CPB2: variants seen among roughly 807,000 people sequenced by gnomAD.
CPB2 encodes carboxypeptidase B2, also known as carboxypeptidase B-like protein.
In CPB2, 54 loss-of-function variants were observed where a neutral mutation model predicts 57.0. The ratio of observed to expected loss-of-function variants is 0.95; its 90% CI spans 0.76 to 1.19. The LOEUF (loss-of-function observed/expected upper bound fraction) is 1.19, where lower values mean the gene tolerates loss of function less well. Ranked by LOEUF, CPB2 falls within the 50% of genes most tolerant of loss-of-function variation. The probability of loss-of-function intolerance (pLI) is 0.00; values close to 1 mark genes in which losing one functional copy is unlikely to be tolerated. For missense variants in CPB2, 426 were observed against 512.0 expected, an observed-to-expected ratio of 0.83 and a Z score of 1.62; for synonymous variants, 189 against 178.1, an observed-to-expected ratio of 1.06 and a Z score of -0.49.
Position 46,082,484 on chromosome 13 carries a change from C to G in CPB2, c.341G>C (p.Arg114Pro). The G allele has an allele frequency of 1.2e-6, 2 of 1,613,630 alleles. No homozygotes were observed. Among genetic ancestry groups the G allele is most frequent in the Non-Finnish European group, 1.7e-6 (2 of 1,179,664 alleles). The change falls in exon 4 of 11, where the codon CGA (arginine) becomes CCA (proline). Residue 114 changes from arginine to proline, a missense_variant. By Grantham distance (103) the Arg-to-Pro change is moderately radical. Coordinates refer to ENST00000181383, the MANE Select transcript of CPB2 (RefSeq NM_001872.5). ...CTGTTCATAGTACGATGCGGAGGCT[C>G]GGGGGCTGACTGTGTCGTTGGAAAT... is the stretch of plus-strand genomic sequence containing the variant. ...QQISNDTVSP[R>P]ASASYYEQYH...
At chr13:46,102,703 A>G (rs775382961) in intron 1 of CPB2, among the ~76,000 whole-genome samples, 5 of 151,550 alleles carry the variant, frequency 3.3e-5, no homozygotes, top group Admixed American at 1.3e-4. Context: ...GGAATAGGCC[A>G]TTCCTGGAAA....
At chr13:46,057,095 A>G (rs1310886763) in intron 9 of CPB2, among the ~76,000 whole-genome samples, 12 of 151,860 alleles carry the variant, frequency 7.9e-5, no homozygotes, top group Non-Finnish European at 1.8e-4. Flanking sequence ...TTAAACATCC[A>G]TTGACAAGGT....
intron 1 of CPB2, among the ~76,000 whole-genome samples, chr13:46,104,121 T>A (rs577074886): frequency 0.018 from 2,765 of 152,336 alleles, 74 homozygotes; most frequent in African/African-American, 0.062. Context: ...TGGTAGAATG[T>A]TCCTTGTCAC....
At chr13:46,084,412 G>C (rs1380891910) in intron 2 of CPB2, 69 bp from the exon 3 acceptor site, 9 of 1,556,660 alleles carry the variant, frequency 5.8e-6, no homozygotes, top group African/African-American at 2.7e-5. Flanking sequence ...TCTGTAGCTA[G>C]AGCCATGACA....
intron 6 of CPB2, among the ~76,000 whole-genome samples, chr13:46,069,365 A>G (rs1490468064): frequency 2.6e-5 from 4 of 152,208 alleles, no homozygotes; most frequent in Non-Finnish European, 5.9e-5. Flanking sequence ...GAAATTCACC[A>G]TTTTAAAGTG....
At position 46,082,436 on chromosome 13, in the gene CPB2, C is replaced by G; in HGVS notation, c.384+5G>C. ...GTAGCTTTGAAGAGCTGTGTGATGGCTTACTTCATTTAGTGAGTGATACTG... is the reference window on the plus strand; with the variant it reads ...GTAGCTTTGAAGAGCTGTGTGATGGGTTACTTCATTTAGTGAGTGATACTG... On this transcript the variant is annotated splice_donor_5th_base_variant and intron_variant, in intron 4 of 10. Transcript: ENST00000181383. The G allele has an allele frequency of 6.4e-7, 1 of 1,557,178 alleles. No homozygotes were observed. Among genetic ancestry groups the G allele is most frequent in the Non-Finnish European group, 8.8e-7 (1 of 1,133,080 alleles).
intron 6 of CPB2, among the ~76,000 whole-genome samples, chr13:46,071,698 G>C (rs987494701): frequency 6.6e-6 from 1 of 152,174 alleles, no homozygotes; most frequent in Admixed American, 6.5e-5. Flanking sequence ...AGGATCATTG[G>C]TAGTATCAGG....
intron 1 of CPB2, among the ~76,000 whole-genome samples, chr13:46,103,161 TTATCC>T (rs1381741976): frequency 1.6e-4 from 25 of 152,252 alleles, no homozygotes; most frequent in Non-Finnish European, 3.1e-4. Context: ...TTGCTATTGA[TTATCC>T]TATCCAAGAG....
chr13:46,065,934 T>C (rs527559091), intron 7 of CPB2, among the ~76,000 whole-genome samples: 1 of 152,338 alleles, frequency 6.6e-6, no homozygotes, highest in South Asian at 2.1e-4. Context: ...TTTACAGATA[T>C]GACCATTCAT....
intron 1 of CPB2, among the ~76,000 whole-genome samples, chr13:46,094,268 T>C (rs2045334955): frequency 2.0e-5 from 3 of 152,174 alleles, no homozygotes; most frequent in Admixed American, 2.0e-4. Context: ...CATTTCTAGC[T>C]CAGATGGTGC....
chr13:46,069,673 T>G (rs7995615), intron 6 of CPB2, among the ~76,000 whole-genome samples: 1 of 152,042 alleles, frequency 6.6e-6, no homozygotes, highest in African/African-American at 2.4e-5. Context: ...TGAATCAGTA[T>G]TTCATTCCTT....
At chr13:46,070,770 G>A (rs2044929258) in intron 6 of CPB2, among the ~76,000 whole-genome samples, 1 of 152,136 alleles carries the variant, frequency 6.6e-6, no homozygotes, top group Non-Finnish European at 1.5e-5. Flanking sequence ...CTCTATATAT[G>A]TATGTATAGT....
intron 6 of CPB2, among the ~76,000 whole-genome samples, chr13:46,071,987 G>T (rs772275298): frequency 6.6e-6 from 1 of 152,214 alleles, no homozygotes; most frequent in Admixed American, 6.5e-5. Context: ...AGTTGTGATG[G>T]TTAACATATA....
At chr13:46,086,783 C>T (rs71431399) in intron 2 of CPB2, among the ~76,000 whole-genome samples, 1 of 152,242 alleles carries the variant, frequency 6.6e-6, no homozygotes, top group African/African-American at 2.4e-5. Flanking sequence ...CCGAGAAGCC[C>T]TCAGCCACCC....
intron 3 of CPB2, 120 bp from the exon 4 acceptor site, chr13:46,082,669 C>A: frequency 3.5e-6 from 2 of 575,902 alleles, no homozygotes; most frequent in Non-Finnish European, 6.3e-6. Flanking sequence ...ACTTCATAAG[C>A]ATTTCATCAA....
intron 9 of CPB2, among the ~76,000 whole-genome samples, chr13:46,057,183 C>A (rs543345092): frequency 1.3e-5 from 2 of 150,964 alleles, no homozygotes; most frequent in Non-Finnish European, 3.0e-5. Context: ...TAGACTAATT[C>A]TACTTCCCAA....
chr13:46,066,130 T>C (rs2044850912), intron 7 of CPB2, among the ~76,000 whole-genome samples: 1 of 133,196 alleles, frequency 7.5e-6, no homozygotes, highest in Non-Finnish European at 1.6e-5. Context: ...AAATAATTCA[T>C]GTGTAATTCC....
intron 8 of CPB2, among the ~76,000 whole-genome samples, chr13:46,059,085 A>T (rs1566396637): frequency 6.6e-6 from 1 of 152,224 alleles, no homozygotes; most frequent in African/African-American, 2.4e-5. Flanking sequence ...GTGCTTGCCA[A>T]TCTGAATCCC....
chr13:46,078,413 T>C (rs2045056627), intron 5 of CPB2, among the ~76,000 whole-genome samples: 1 of 152,118 alleles, frequency 6.6e-6, no homozygotes, highest in African/African-American at 2.4e-5. Flanking sequence ...GTTAAATGGC[T>C]TATCTAATGT....
Sources: allele counts gnomAD v4.1 joint callset (sites outside exome capture counted in the v4.1 genomes callset), GRCh38; gene constraint gnomAD v4.1.1; transcripts MANE v1.5; gene names NCBI Gene and HGNC (gene_info 2026-07-23, HGNC 2026-07-21).